Variants in MORN1 observed in about 807,000 individuals in gnomAD.
MORN1 encodes MORN repeat containing 1.
Under a neutral mutation model 61.9 loss-of-function variants are expected in MORN1, and 67 were observed. The ratio of observed to expected loss-of-function variants is 1.08; its 90% CI spans 0.89 to 1.33. The LOEUF (loss-of-function observed/expected upper bound fraction) is 1.33. Ranked by LOEUF, MORN1 falls within the 40% of genes most tolerant of loss-of-function variation. The pLI is 0.00. For synonymous variants in MORN1, 301 were observed against 292.0 expected, an observed-to-expected ratio of 1.03 and a Z score of -0.31; for missense variants, 752 against 691.2, an observed-to-expected ratio of 1.09 and a Z score of -0.99.
chr1:2,355,069 G>T, intron 10 of MORN1: 1 of 765,490 alleles, frequency 1.3e-6, no homozygotes, highest in African/African-American at 1.9e-5. Context: ...CTCAGGCAGT[G>T]GGGCCGGCGC....
chr1:2,321,401 C>A lies in MORN1; in HGVS notation c.1476G>T (p.Glu492Asp). The change falls in exon 14 of 14, where the codon GAG becomes GAT. Residue 492 changes from glutamate to aspartate, a missense_variant. Glu to Asp is a conservative substitution (Grantham distance 45). Coordinates refer to ENST00000378531, the MANE Select transcript of MORN1 (RefSeq NM_024848.3). ...SWQAAHSCTP[E>D]PPAPR ...CGGGGCCTCACCGAGGCGCTGGCGG[C>A]TCTGGGGTGCAGCTGTGGGCGGCCT... 6.5e-7 allele frequency: 1 copy of A among 1,533,742 alleles called. No individual in the cohort carries two copies. The highest frequency in any genetic ancestry group is 8.8e-7 in the Non-Finnish European group (1 of 1,139,632).
At chr1:2,325,012 G>A (rs1289299492) in intron 12 of MORN1, among the ~76,000 whole-genome samples, 1 of 151,660 alleles carries the variant, frequency 6.6e-6, no homozygotes, top group East Asian at 2.0e-4. Context: ...CTGCTGCAAG[G>A]ACGAGGGGCT....
rs1267239420 is a variant in MORN1, at chr1:2,322,642, C to T, written c.1298-1063G>A. 2.2e-5 allele frequency: 22 copies of T among 985,354 alleles called. No homozygotes were observed. In the East Asian group the frequency reaches 3.4e-4, roughly 15 times the overall value. The allele number at this position is 985,354 out of a possible 1,614,324, so 61.0% of individuals were successfully genotyped here. A position where few individuals can be genotyped will look rare whatever the true frequency, so the allele number is the denominator to read the frequency against. The stretch of plus-strand genomic sequence containing the variant: ...GGGTGTGGGCCACAGCACCGGGCAC[C>T]GGGGACAGCCTCCCTGGCGGGCGGA... On this transcript the variant is annotated intron_variant, in intron 13 of 13. Coordinates refer to ENST00000378531, the MANE Select transcript of MORN1 (RefSeq NM_024848.3).
intron 8 of MORN1, 33 bp from the exon 9 acceptor site, chr1:2,358,748 C>G (rs570065584): frequency 6.3e-7 from 1 of 1,589,988 alleles, no homozygotes; most frequent in Non-Finnish European, 8.6e-7. Context: ...AGTGAACACT[C>G]ACAGGCACCC....
At chr1:2,390,832 T>A (rs1324942614) in intron 1 of MORN1, 1 of 783,904 alleles carries the variant, frequency 1.3e-6, no homozygotes, top group Non-Finnish European at 1.5e-6. Flanking sequence ...CTCTGCAACC[T>A]CCGCTTCCTG....
At chr1:2,359,417 CCT>C (rs1641845541) in intron 8 of MORN1, among the ~76,000 whole-genome samples, 1 of 152,212 alleles carries the variant, frequency 6.6e-6, no homozygotes, top group Non-Finnish European at 1.5e-5. Context: ...CACCACTGTC[CCT>C]CTGAGTTGCT....
chr1:2,389,140 C>G (rs1196508941), intron 2 of MORN1, among the ~76,000 whole-genome samples: 2 of 139,072 alleles, frequency 1.4e-5, no homozygotes, highest in African/African-American at 5.1e-5. Flanking sequence ...AAAAAAGAAA[C>G]AAAACTGGCA....
chr1:2,328,161 C>T (rs1429856272), intron 12 of MORN1, among the ~76,000 whole-genome samples: 2 of 152,280 alleles, frequency 1.3e-5, no homozygotes, highest in Non-Finnish European at 2.9e-5. Context: ...TCTTCCAGTC[C>T]ATGACGCGGA....
At chr1:2,381,594 G>A (rs1642372772) in intron 6 of MORN1, among the ~76,000 whole-genome samples, 1 of 152,190 alleles carries the variant, frequency 6.6e-6, no homozygotes, top group Non-Finnish European at 1.5e-5. Context: ...CAGAGGAGTG[G>A]GGAGGTCATG....
intron 3 of MORN1, chr1:2,387,925 G>A (rs976920382): frequency 1.4e-5 from 6 of 421,024 alleles, no homozygotes; most frequent in East Asian, 7.8e-5. Flanking sequence ...CACAGCTCCC[G>A]GCAACGAATC....
intron 13 of MORN1, chr1:2,322,208 A>G: frequency 2.0e-6 from 2 of 985,390 alleles, no homozygotes; most frequent in Non-Finnish European, 2.4e-6. Flanking sequence ...AGTTGGAGAA[A>G]CCATAAAAAA....
chr1:2,387,955 C>T (rs1375291236), intron 3 of MORN1: 2 of 456,820 alleles, frequency 4.4e-6, no homozygotes, highest in Non-Finnish European at 7.8e-6. Flanking sequence ...GGTTTCCCAT[C>T]TAGGGATACA....
rs967750756 is a variant in MORN1 at position 2,351,831 on chromosome 1, A to G, written c.1036+5601T>C. On this transcript the variant is annotated intron_variant, in intron 10 of 13. Coordinates refer to ENST00000378531, the MANE Select transcript of MORN1 (RefSeq NM_024848.3). ...TCTCATTCTGTGGTCCGTGTGTGGCAGCATCTTGCTACTCTTGCCCACGGT... is the reference window on the plus strand; with the variant it reads ...TCTCATTCTGTGGTCCGTGTGTGGCGGCATCTTGCTACTCTTGCCCACGGT... 8 of 528,782 alleles carry G rather than the reference A, an allele frequency of 1.5e-5. No homozygotes were observed. The African/African-American group carries it at 1.6e-4, about 10-fold the overall frequency. The allele number at this position is 528,782 out of a possible 1,614,324, so 32.8% of individuals were successfully genotyped here.
intron 6 of MORN1, among the ~76,000 whole-genome samples, chr1:2,383,164 T>C (rs1418925138): frequency 6.6e-6 from 1 of 152,210 alleles, no homozygotes; most frequent in East Asian, 1.9e-4. Flanking sequence ...TGACGGGAAC[T>C]GGACCCTGTC....
At chr1:2,386,985 G>A (rs1642513083) in intron 4 of MORN1, 1 of 179,254 alleles carries the variant, frequency 5.6e-6, no homozygotes, top group African/African-American at 2.4e-5. Flanking sequence ...AAGGAGCTGG[G>A]CTTCCCAGGC....
chr1:2,329,829 G>A (rs1466464185), intron 12 of MORN1, among the ~76,000 whole-genome samples: 1 of 152,230 alleles, frequency 6.6e-6, no homozygotes, highest in Non-Finnish European at 1.5e-5. Context: ...CAGCGTGGAG[G>A]AGGCACCAGC....
rs34105463 is a variant in MORN1, at chr1:2,370,674, CT to C, written c.745+1806del. 2.1e-3 allele frequency among the ~76,000 whole-genome samples: 299 copies of C among 142,706 alleles called. 1 individual carries two copies. Among genetic ancestry groups the C allele is most frequent in the Non-Finnish European group, 2.5e-3 (162 of 65,682 alleles). The allele number at this position is 142,706 out of a possible 152,430, so 93.6% of individuals were successfully genotyped here. ...AACCTTTTTTTCATTTTTTTTTCTT[CT>C]TTTTTTTTTTTTTTAAATGAGACAG... On this transcript the variant is annotated intron_variant, in intron 8 of 13. Transcript: ENST00000378531.
intron 6 of MORN1, chr1:2,378,581 T>C (rs1211283023): frequency 4.0e-6 from 1 of 246,978 alleles, no homozygotes; most frequent in East Asian, 1.1e-4. Flanking sequence ...CAGCGGCAAC[T>C]CCGGGAAAGC....
intron 8 of MORN1, among the ~76,000 whole-genome samples, chr1:2,367,386 G>A (rs1642019956): frequency 6.6e-6 from 1 of 151,200 alleles, no homozygotes; most frequent in African/African-American, 2.4e-5. Flanking sequence ...TTGGGAGACT[G>A]AGGTGGGAGG....
Sources: allele counts gnomAD v4.1 joint callset (sites outside exome capture counted in the v4.1 genomes callset), GRCh38; gene constraint gnomAD v4.1.1; transcripts MANE v1.5; gene names NCBI Gene and HGNC (gene_info 2026-07-23, HGNC 2026-07-21).